The following THAP9 variants were observed in gnomAD, a reference collection of about 807,000 sequenced individuals.
THAP9 encodes the protein THAP domain containing 9, also known as DNA transposase THAP9.
Under a neutral mutation model 35.7 loss-of-function variants are expected in THAP9, and 20 were observed. The observed-to-expected ratio is 0.56, with a 90% confidence interval of 0.39 to 0.81. The LOEUF is 0.81. Ranked by LOEUF, THAP9 falls within the 40% of genes least tolerant of loss-of-function variation. The pLI, the probability that THAP9 is intolerant of heterozygous loss-of-function variation, is 0.00. For missense variants in THAP9, 870 were observed against 1,047.4 expected (o/e 0.83, Z 2.34); for synonymous variants, 335 against 373.7 (o/e 0.90, Z 1.19).
intron 4 of THAP9, 34 bp from the exon 5 acceptor site, chr4:82,916,910 C>A: frequency 6.8e-7 from 1 of 1,477,250 alleles, no homozygotes; most frequent in South Asian, 1.6e-5. Context: ...TTTTATTTCT[C>A]TTTGAGTGTT....
chr4:82,915,325 C>T (rs1310287739), intron 4 of THAP9, among the ~76,000 whole-genome samples: 7 of 152,120 alleles, frequency 4.6e-5, no homozygotes, highest in African/African-American at 1.4e-4. Context: ...GGCACAATCT[C>T]GGCTCACTGC....
intron 1 of THAP9, 90 bp from the exon 2 acceptor site, chr4:82,904,646 T>C: frequency 8.4e-7 from 1 of 1,187,758 alleles, no homozygotes; most frequent in Non-Finnish European, 1.2e-6. Context: ...TATAAAGCAG[T>C]AAAATAATAG....
In THAP9 at chr4:82,907,802, T is replaced by C. The variant is rs369267998; in HGVS notation, c.598T>C (p.Tyr200His). ...TTTAACAGATTTTAAGTGGGAGTTATATAATTGGAGAGAAACAGATGAGTA... is the reference window on the plus strand; with the variant it reads ...TTTAACAGATTTTAAGTGGGAGTTACATAATTGGAGAGAAACAGATGAGTA... ...AQFSDFKWELYNWRETDEYSA... is the reference protein window; with the variant it reads ...AQFSDFKWELHNWRETDEYSA... The change falls in exon 4 of 5, where the codon TAT (tyrosine) becomes CAT (histidine). Residue 200 changes from tyrosine to histidine, a missense_variant. This residue lies in a region of THAP9 where 440 missense variants were observed against 501.2 expected (regional missense o/e 0.88). Transcript: ENST00000302236. 2.4e-5 allele frequency: 38 copies of C among 1,586,308 alleles called. No homozygotes were observed. Among genetic ancestry groups the C allele is most frequent in the African/African-American group, 1.9e-4 (14 of 73,404 alleles).
At chr4:82,904,410 C>A (rs1184875029) in intron 1 of THAP9, among the ~76,000 whole-genome samples, 1 of 152,080 alleles carries the variant, frequency 6.6e-6, no homozygotes, top group Non-Finnish European at 1.5e-5. Context: ...AAAATCACTA[C>A]AGGAAAGGAA....
At chr4:82,912,934 A>T (rs923416372) in intron 4 of THAP9, among the ~76,000 whole-genome samples, 2 of 152,198 alleles carry the variant, frequency 1.3e-5, no homozygotes, top group Non-Finnish European at 2.9e-5. Context: ...TATGTGAAAC[A>T]TTAATTACCA....
chr4:82,914,949 A>G (rs2126016253), intron 4 of THAP9, among the ~76,000 whole-genome samples: 1 of 152,216 alleles, frequency 6.6e-6, no homozygotes, highest in African/African-American at 2.4e-5. Context: ...TTTGAGTTTT[A>G]CATGTAAGTC....
chr4:82,904,754 A>G lies in THAP9; in HGVS notation c.99A>G (p.Ile33Met), dbSNP rs1258906242. 8 of 1,614,054 alleles carry G rather than the reference A, an allele frequency of 5.0e-6. No homozygotes were observed. Among genetic ancestry groups the G allele is most frequent in the Non-Finnish European group, 6.8e-6 (8 of 1,180,028 alleles). ...GTCATAGATTTCCAACTGATACCAT[A>G]CAGCGCTCAAAATGGATCAGGGCTG... ...LSFHQFPTDT[I>M]QRSKWIRAVN... The change falls in exon 2 of 5, where the codon ATA becomes ATG. Residue 33 changes from isoleucine (I) to methionine (M), a missense_variant. By Grantham distance (10) the Ile-to-Met change is conservative. Around this residue, in one of 3 missense-constraint regions of THAP9, gnomAD observed 440 missense variants for 501.2 expected, o/e 0.88. Transcript: ENST00000302236.
In THAP9 at chr4:82,919,256, C is replaced by CAACA. The variant is rs1208473297; in HGVS notation, c.*334_*337dup. 1.7e-5 allele frequency: 3 copies of CAACA among 174,476 alleles called. No homozygotes were observed. Among genetic ancestry groups the CAACA allele is most frequent in the African/African-American group, 7.1e-5 (3 of 42,146 alleles). 10.8% of individuals were successfully genotyped at this position (174,476 alleles called of 1,614,324 possible). ...CAATCTGCTTCAAAAACAAGAAAAA[C>CAACA]AACAACTATGAGTTATCAAAATATT... On this transcript the variant is annotated 3_prime_UTR_variant, in exon 5 of 5. Transcript: ENST00000302236.
At position 82,917,216 on chromosome 4, in the gene THAP9, C is replaced by T. The variant is rs1316181481; in HGVS notation, c.1004C>T (p.Thr335Ile). ...GTGGGTATTTTTGGCCATTGGAGAA[C>T]ACCTCTTGGTTATTTTTTTGTAAAC... ...MAVGIFGHWR[T>I]PLGYFFVNRA... The change falls in exon 5 of 5, where the codon ACA becomes ATA. Residue 335 changes from threonine (T) to isoleucine (I), a missense_variant. By Grantham distance (89) the Thr-to-Ile change is moderately conservative. Transcript: ENST00000302236. 3 of 1,614,058 alleles carry T rather than the reference C, an allele frequency of 1.9e-6. No individual in the cohort carries two copies. The highest frequency in any genetic ancestry group is 1.7e-6 in the Non-Finnish European group (2 of 1,179,990).
chr4:82,902,317 C>T lies in THAP9; in HGVS notation c.80+1435C>T, dbSNP rs187759982. On this transcript the variant is annotated intron_variant, in intron 1 of 4. Coordinates refer to ENST00000302236, the MANE Select transcript of THAP9 (RefSeq NM_024672.6). ...CTCAGTGTGTTGCCCAGGTTGGTCTCCAACTTCTTGGCTGGGATTACAGGC... is the reference window on the plus strand; with the variant it reads ...CTCAGTGTGTTGCCCAGGTTGGTCTTCAACTTCTTGGCTGGGATTACAGGC... 1.1e-4 allele frequency among the ~76,000 whole-genome samples: 16 copies of T among 151,194 alleles called. No individual in the cohort carries two copies. The East Asian group carries it at 3.1e-3, about 29-fold the overall frequency.
At chr4:82,911,659 G>A (rs538754064) in intron 4 of THAP9, among the ~76,000 whole-genome samples, 1 of 152,268 alleles carries the variant, frequency 6.6e-6, no homozygotes, top group Admixed American at 6.5e-5. Flanking sequence ...TCAAGCAGTC[G>A]TCCAGTCAGC....
At position 82,907,749 on chromosome 4, in the gene THAP9, A is replaced by G. The variant is rs190161285; in HGVS notation, c.581-36A>G. ...ATAATCTGTACCTGAAAATTTTACTATTCATCACAAAGAATAAAAAAATTT... is the reference window on the plus strand; with the variant it reads ...ATAATCTGTACCTGAAAATTTTACTGTTCATCACAAAGAATAAAAAAATTT... On this transcript the variant is annotated intron_variant, in intron 3 of 4. Coordinates refer to ENST00000302236, the MANE Select transcript of THAP9 (RefSeq NM_024672.6). 1.3e-3 allele frequency: 1,974 copies of G among 1,495,202 alleles called. 32 individuals are homozygous for G. The African/African-American group carries it at 0.026, about 19-fold the overall frequency. The allele number at this position is 1,495,202 out of a possible 1,614,324, so 92.6% of individuals were successfully genotyped here.
chr4:82,904,089 A>C (rs1285771665), intron 1 of THAP9, among the ~76,000 whole-genome samples: 1 of 76,552 alleles, frequency 1.3e-5, no homozygotes, highest in Non-Finnish European at 2.5e-5. Flanking sequence ...TTTGTTACGG[A>C]GTTTCACTCT....
chr4:82,909,952 A>G (rs977869727), intron 4 of THAP9: 1 of 152,090 alleles, frequency 6.6e-6, no homozygotes, highest in Non-Finnish European at 1.5e-5. Context: ...AAATCCAAAC[A>G]TTTATCTTTT....
chr4:82,911,729 T>C (rs1206100850), intron 4 of THAP9, among the ~76,000 whole-genome samples: 2 of 152,234 alleles, frequency 1.3e-5, no homozygotes, highest in African/African-American at 4.8e-5. Flanking sequence ...AAATGAGTTT[T>C]TATTGCATTG....
rs1211056256 is a variant in THAP9 at position 82,919,135 on chromosome 4, CAGT to C, written c.*214_*216del. ...TATGAGTTTTCCAAAATATAGAAAG[CAGT>C]AGGTCAGTAGGAGCAAACTAGCCAA... On this transcript the variant is annotated 3_prime_UTR_variant, in exon 5 of 5. Transcript: ENST00000302236. 2.4e-6 allele frequency: 1 copy of C among 421,610 alleles called. No homozygotes were observed. The highest frequency in any genetic ancestry group is 2.0e-5 in the African/African-American group (1 of 49,780). The allele number at this position is 421,610 out of a possible 1,614,324, so 26.1% of individuals were successfully genotyped here. A position where few individuals can be genotyped will look rare whatever the true frequency, so the allele number is the denominator to read the frequency against.
chr4:82,907,697 GC>G (rs1345860871), intron 3 of THAP9, 87 bp from the exon 4 acceptor site: 2 of 942,780 alleles, frequency 2.1e-6, no homozygotes, highest in Non-Finnish European at 3.1e-6. Context: ...GAATTCTGAT[GC>G]CCAGTGCATT....
At chr4:82,908,661 C>T (rs1258123207) in intron 4 of THAP9, among the ~76,000 whole-genome samples, 3 of 152,198 alleles carry the variant, frequency 2.0e-5, no homozygotes, top group South Asian at 4.1e-4. Context: ...GGCACAATCT[C>T]GGCTCACTGC....
intron 4 of THAP9, chr4:82,910,572 A>G (rs1217693659): frequency 4.5e-6 from 1 of 219,922 alleles, no homozygotes; most frequent in Non-Finnish European, 8.2e-6. Context: ...TTCTTATATT[A>G]ATGGTATATA....
Sources: gnomAD v4.1 joint callset for allele counts (sites outside exome capture counted in the v4.1 genomes callset) on GRCh38, gnomAD v4.1.1 for gene constraint, gnomAD v4.1.1 regional missense constraint, MANE v1.5 for transcripts, NCBI Gene and HGNC (gene_info 2026-07-23, HGNC 2026-07-21) for gene names.